The following KIF6 variants were observed in gnomAD, a reference collection of about 807,000 sequenced individuals.
KIF6 encodes kinesin-like protein KIF6.
A neutral mutation model predicts 112.7 loss-of-function variants in KIF6; 106 were observed. That is an observed-to-expected ratio of 0.94 (90% CI 0.80 to 1.11). KIF6 has a LOEUF of 1.11. Ranked by LOEUF, KIF6 falls within the 50% of genes least tolerant of loss-of-function variation. The probability of loss-of-function intolerance (pLI) is 0.00; values close to 1 mark genes in which losing one functional copy is unlikely to be tolerated. For missense variants in KIF6, 929 were observed against 964.0 expected (o/e 0.96, Z 0.48); for synonymous variants, 339 against 339.9 (o/e 1.00, Z 0.03).
intron 13 of KIF6, among the ~76,000 whole-genome samples, chr6:39,446,811 G>A (rs192167854): frequency 2.0e-5 from 3 of 152,268 alleles, no homozygotes; most frequent in Non-Finnish European, 4.4e-5. Flanking sequence ...TCTTAAAAAC[G>A]TTATTTGTTA....
rs552816132 is a variant in KIF6, at chr6:39,596,296, A to G, written c.640-36T>C. The G allele has an allele frequency of 1.3e-5, 18 of 1,363,798 alleles. No homozygotes were observed. In the South Asian group the frequency reaches 1.9e-4, roughly 15 times the overall value. 84.5% of individuals were successfully genotyped at this position (1,363,798 alleles called of 1,614,324 possible). A position where few individuals can be genotyped will look rare whatever the true frequency, so the allele number is the denominator to read the frequency against. ...ATTGCAAAACAAAAATTATTTGAAC[A>G]ATGAAAATTTTTAAAGAATATCAAA... On this transcript the variant is annotated intron_variant, in intron 6 of 22. Coordinates refer to ENST00000287152, the MANE Select transcript of KIF6 (RefSeq NM_145027.6).
At chr6:39,669,209 T>C (rs1301991120) in intron 3 of KIF6, among the ~76,000 whole-genome samples, 1 of 152,206 alleles carries the variant, frequency 6.6e-6, no homozygotes, top group Non-Finnish European at 1.5e-5. Flanking sequence ...GGTCACTTTT[T>C]AATTACTTTA....
intron 4 of KIF6, 115 bp downstream of exon 4, chr6:39,639,495 A>T: frequency 1.1e-6 from 1 of 886,668 alleles, no homozygotes; most frequent in Non-Finnish European, 1.6e-6. Context: ...TTATGACACA[A>T]TAAGACTTTA....
chr6:39,581,424 G>C (rs999679257), intron 9 of KIF6, among the ~76,000 whole-genome samples: 21 of 151,762 alleles, frequency 1.4e-4, no homozygotes, highest in African/African-American at 4.8e-4. Context: ...CCAAAGTGCT[G>C]GGATTACAGG....
intron 13 of KIF6, among the ~76,000 whole-genome samples, chr6:39,515,529 C>T (rs528753426): frequency 2.1e-4 from 32 of 152,324 alleles, no homozygotes; most frequent in Admixed American, 1.4e-3. Flanking sequence ...CTCTCCTTGT[C>T]ACCACTCCTA....
At chr6:39,539,489 G>A (rs1030331247) in intron 13 of KIF6, among the ~76,000 whole-genome samples, 12 of 151,892 alleles carry the variant, frequency 7.9e-5, no homozygotes, top group African/African-American at 1.7e-4. Context: ...GATTACAGGC[G>A]CGCACCACCA....
intron 5 of KIF6, among the ~76,000 whole-genome samples, chr6:39,618,254 A>G (rs879366562): frequency 2.0e-5 from 3 of 152,218 alleles, no homozygotes; most frequent in Non-Finnish European, 4.4e-5. Context: ...AGCTCTTTCT[A>G]GTAGCTTGAA....
intron 3 of KIF6, among the ~76,000 whole-genome samples, chr6:39,704,752 T>C (rs1789096643): frequency 6.6e-6 from 1 of 152,250 alleles, no homozygotes; most frequent in South Asian, 2.1e-4. Context: ...GTCAATGTGT[T>C]ATATGGTCTC....
In KIF6 at chr6:39,512,020, C is replaced by T. The variant is rs148452177; in HGVS notation, c.1645+27983G>A. Among the ~76,000 whole-genome samples the T allele has an allele frequency of 2.2e-4, 33 of 152,218 alleles. 1 individual carries two copies. Among genetic ancestry groups the T allele is most frequent in the Admixed American group, 1.8e-3 (27 of 15,296 alleles). On this transcript the variant is annotated intron_variant, in intron 13 of 22. Transcript: ENST00000287152. ...ATCATGAATTGATGGGTGCAGCACA[C>T]GAACATGGCACATGTATACCTATGT...
chr6:39,347,482 T>C (rs1763897083), intron 19 of KIF6, among the ~76,000 whole-genome samples: 1 of 152,198 alleles, frequency 6.6e-6, no homozygotes, highest in African/African-American at 2.4e-5. Context: ...AAGAGGCGCG[T>C]GGACACGGCT....
At chr6:39,636,838 C>A (rs901860446) in intron 4 of KIF6, among the ~76,000 whole-genome samples, 3 of 152,036 alleles carry the variant, frequency 2.0e-5, no homozygotes, top group African/African-American at 7.2e-5. Context: ...CAGATAACAA[C>A]TGAGTTTGAA....
intron 3 of KIF6, among the ~76,000 whole-genome samples, chr6:39,676,553 AT>A (rs1787151727): frequency 6.6e-6 from 1 of 152,130 alleles, no homozygotes; most frequent in Non-Finnish European, 1.5e-5. Flanking sequence ...ACATGCACAG[AT>A]TTTTTAAATA....
At chr6:39,696,799 C>G (rs1250849102) in intron 3 of KIF6, among the ~76,000 whole-genome samples, 1 of 151,832 alleles carries the variant, frequency 6.6e-6, no homozygotes, top group Non-Finnish European at 1.5e-5. Context: ...CACACACACA[C>G]ATCTCAAAGT....
At chr6:39,700,302 TCA>T (rs1425489122) in intron 3 of KIF6, among the ~76,000 whole-genome samples, 1 of 152,210 alleles carries the variant, frequency 6.6e-6, no homozygotes, top group Admixed American at 6.5e-5. Context: ...TCAGTTGATC[TCA>T]GTTATCACTA....
intron 19 of KIF6, among the ~76,000 whole-genome samples, chr6:39,353,134 A>G (rs746492100): frequency 5.3e-5 from 8 of 152,220 alleles, no homozygotes; most frequent in South Asian, 4.1e-4. Flanking sequence ...GAATCCATCA[A>G]ACTGTCTTCC....
At chr6:39,714,537 G>A (rs1000961582) in intron 3 of KIF6, among the ~76,000 whole-genome samples, 155 bp downstream of exon 3, 3 of 152,096 alleles carry the variant, frequency 2.0e-5, no homozygotes, top group Non-Finnish European at 2.9e-5. Flanking sequence ...AAAACAAATG[G>A]TTATAGGAAC....
At chr6:39,538,442 T>A (rs1455059055) in intron 13 of KIF6, among the ~76,000 whole-genome samples, 1 of 151,906 alleles carries the variant, frequency 6.6e-6, no homozygotes, top group Non-Finnish European at 1.5e-5. Context: ...AAGACATTTA[T>A]GCAGCCAAAA....
chr6:39,420,079 G>A (rs1562198074), intron 14 of KIF6, 76 bp from the exon 15 acceptor site: 1 of 1,010,686 alleles, frequency 9.9e-7, no homozygotes, highest in African/African-American at 1.6e-5. Context: ...AGATTTCTTA[G>A]AGGTCACTAA....
At chr6:39,699,391 A>G (rs1788740665) in intron 3 of KIF6, among the ~76,000 whole-genome samples, 1 of 152,092 alleles carries the variant, frequency 6.6e-6, no homozygotes, top group South Asian at 2.1e-4. Context: ...GGGAAAGAGC[A>G]TTCCAGACAC....
Sources: gnomAD v4.1 joint callset for allele counts (sites outside exome capture counted in the v4.1 genomes callset) on GRCh38, gnomAD v4.1.1 for gene constraint, MANE v1.5 for transcripts, NCBI Gene and HGNC (gene_info 2026-07-23, HGNC 2026-07-21) for gene names.